The following ZDHHC11B variants were observed in gnomAD, a reference collection of about 807,000 sequenced individuals.
ZDHHC11B encodes the protein zDHHC palmitoyltransferase 11B (putative).
In ZDHHC11B, 17 loss-of-function variants were observed where a neutral mutation model predicts 42.3. The ratio of observed to expected loss-of-function variants is 0.40; its 90% CI spans 0.27 to 0.60. The LOEUF (loss-of-function observed/expected upper bound fraction) is 0.60. Among genes scored for constraint, ZDHHC11B ranks in the 20% least tolerant of loss-of-function variants. The pLI, the probability that ZDHHC11B is intolerant of heterozygous loss-of-function variation, is 0.41. For synonymous variants in ZDHHC11B, 123 were observed against 193.5 expected (o/e 0.64, Z 3.02); for missense variants, 262 against 463.2 (o/e 0.57, Z 3.99).
chr5:722,998 C>G (rs1260670317), intron 12 of ZDHHC11B, among the ~76,000 whole-genome samples: 1 of 151,492 alleles, frequency 6.6e-6, no homozygotes, highest in Non-Finnish European at 1.5e-5. Context: ...ACATCTATAT[C>G]TATATAGATA....
chr5:757,339 G>A (rs1244668287), intron 4 of ZDHHC11B, among the ~76,000 whole-genome samples: 1 of 151,954 alleles, frequency 6.6e-6, no homozygotes, highest in African/African-American at 2.4e-5. Context: ...CTGGCCATGT[G>A]CAAAAAGCCA....
At chr5:742,850 T>C (rs1244520064) in intron 9 of ZDHHC11B, among the ~76,000 whole-genome samples, 1 of 149,050 alleles carries the variant, frequency 6.7e-6, no homozygotes, top group Admixed American at 6.9e-5. Flanking sequence ...GTCCAAACTA[T>C]GATTTTTTTC....
chr5:784,159 C>G (rs1359761306), intron 1 of ZDHHC11B, among the ~76,000 whole-genome samples: 2 of 148,818 alleles, frequency 1.3e-5, no homozygotes, highest in Non-Finnish European at 3.0e-5. Context: ...ACCCCGAGAC[C>G]CGCTCATTCT....
Position 772,929 on chromosome 5 carries a change from T to A in ZDHHC11B, c.-229-3999A>T, listed in dbSNP as rs1561199886. On this transcript the variant is annotated intron_variant, in intron 1 of 13. Transcript: ENST00000508859. ...ATGTATTAGTTTAACAAAATATTTTTAAAAAAGTTTTTAAACTAAAAATGA... is the reference window on the plus strand; with the variant it reads ...ATGTATTAGTTTAACAAAATATTTTAAAAAAAGTTTTTAAACTAAAAATGA... Among the ~76,000 whole-genome samples, 5 of 152,006 alleles carry A rather than the reference T, an allele frequency of 3.3e-5. 1 individual carries two copies. In the South Asian group the frequency reaches 6.2e-4, roughly 19 times the overall value.
rs574168414 is a variant in ZDHHC11B, at chr5:744,176, T to C, written c.900+1007A>G. 7.3e-5 allele frequency among the ~76,000 whole-genome samples: 11 copies of C among 149,998 alleles called. 3 individuals are homozygous for C. The South Asian group carries it at 2.4e-3, about 33-fold the overall frequency. On this transcript the variant is annotated intron_variant, in intron 9 of 13. Transcript: ENST00000508859. ...GGCACTGCTCACCCCTGGAGTGATA[T>C]CACTTGGCCACAGTGCACAGTCCTG...
chr5:766,528 C>A (rs1187037184), intron 4 of ZDHHC11B, among the ~76,000 whole-genome samples, 170 bp downstream of exon 4: 1 of 151,852 alleles, frequency 6.6e-6, no homozygotes, highest in Non-Finnish European at 1.5e-5. Flanking sequence ...AGGGGCTGCA[C>A]AGAGCACGAA....
At chr5:732,749 G>A (rs1743117440) in intron 11 of ZDHHC11B, 6 of 387,654 alleles carry the variant, frequency 1.5e-5, no homozygotes, top group South Asian at 9.8e-5. Context: ...CCAGCCTGTG[G>A]CCTGGCATGG....
chr5:718,241 A>G (rs545115497), intron 12 of ZDHHC11B, among the ~76,000 whole-genome samples: 1 of 151,932 alleles, frequency 6.6e-6, no homozygotes, highest in East Asian at 1.9e-4. Flanking sequence ...AAGTTTACCT[A>G]AGGACAAAAT....
At chr5:722,412 A>C (rs563774903) in intron 12 of ZDHHC11B, among the ~76,000 whole-genome samples, 1 of 151,694 alleles carries the variant, frequency 6.6e-6, no homozygotes, top group South Asian at 2.1e-4. Context: ...CAAGTGCTTC[A>C]TGGAAGAGAA....
chr5:733,801 G>A lies in ZDHHC11B; in HGVS notation c.974C>T (p.Pro325Leu), dbSNP rs766924170. ...AKSSLLIYKC[P>L]CHFCTSVNQD... ...GTTTACTGAAGTGCAGAAGTGACAT[G>A]GGCATTTGTAAATCAGCAGGGAGCT... The change falls in exon 11 of 14, where the codon CCA (proline) becomes CTA (leucine). Residue 325 changes from proline to leucine, a missense_variant. Physicochemically the swap from Pro to Leu is moderately conservative, Grantham distance 98. Around this residue, in one of 5 missense-constraint regions of ZDHHC11B, gnomAD observed 75 missense variants for 70.1 expected, o/e 1.07. Transcript: ENST00000508859. 8 of 1,551,876 alleles carry A rather than the reference G, an allele frequency of 5.2e-6. No homozygotes were observed. In the Admixed American group the frequency reaches 5.3e-5, roughly 10 times the overall value.
chr5:724,864 C>T (rs1231532139), intron 12 of ZDHHC11B, among the ~76,000 whole-genome samples: 1 of 147,848 alleles, frequency 6.8e-6, no homozygotes, highest in Non-Finnish European at 1.5e-5. Flanking sequence ...TTGTCCTCCA[C>T]CCCATCACAT....
At chr5:770,845 C>T (rs1277238562) in intron 1 of ZDHHC11B, among the ~76,000 whole-genome samples, 4 of 152,020 alleles carry the variant, frequency 2.6e-5, no homozygotes, top group African/African-American at 9.6e-5. Flanking sequence ...AGGCGCCCGC[C>T]CCCAGAGCAG....
chr5:718,749 C>T (rs1299096105), intron 12 of ZDHHC11B, among the ~76,000 whole-genome samples: 6 of 151,174 alleles, frequency 4.0e-5, no homozygotes, highest in South Asian at 2.1e-4. Flanking sequence ...GCTGGTCTTT[C>T]GTGAATGGTG....
intron 4 of ZDHHC11B, among the ~76,000 whole-genome samples, chr5:758,469 C>G (rs1438101420): frequency 1.3e-5 from 2 of 151,884 alleles, no homozygotes; most frequent in African/African-American, 4.8e-5. Flanking sequence ...CACCAGGAGA[C>G]AGCCTGGGGA....
At position 777,857 on chromosome 5, in the gene ZDHHC11B, C is replaced by G. The variant is rs1374835249; in HGVS notation, c.-230+6811G>C. 3.3e-5 allele frequency among the ~76,000 whole-genome samples: 5 copies of G among 152,000 alleles called. 1 individual carries two copies. The highest frequency in any genetic ancestry group is 1.2e-4 in the African/African-American group (5 of 41,444). On this transcript the variant is annotated intron_variant, in intron 1 of 13. Coordinates refer to ENST00000508859, the MANE Select transcript of ZDHHC11B (RefSeq NM_001351303.2). ...CTCAGCCCTTGGGCGGTCCATGGGA[C>G]CCGGCGGGGGCGGCGCCCTTCCGGG...
At chr5:772,556 A>C (rs1243095474) in intron 1 of ZDHHC11B, among the ~76,000 whole-genome samples, 1 of 148,484 alleles carries the variant, frequency 6.7e-6, no homozygotes, top group South Asian at 2.1e-4. Flanking sequence ...GTGCTTGGTG[A>C]CTGGGCTTCC....
intron 12 of ZDHHC11B, among the ~76,000 whole-genome samples, chr5:724,662 T>TACACAC (rs58690111): frequency 0.035 from 4,982 of 143,918 alleles, 198 homozygotes; most frequent in African/African-American, 0.1. Flanking sequence ...GACCATCAGT[T>TACACAC]ACACACACAC....
intron 4 of ZDHHC11B, among the ~76,000 whole-genome samples, chr5:762,903 C>A (rs1398674501): frequency 5.9e-5 from 9 of 151,428 alleles, no homozygotes; most frequent in Admixed American, 5.3e-4. Context: ...AAGGGATAAG[C>A]CCCAGGAAGA....
In ZDHHC11B at chr5:730,454, G is replaced by A. The variant is rs778003418; in HGVS notation, c.1038C>T (p.Ala346=). The A allele has an allele frequency of 6.4e-7, 1 of 1,567,704 alleles. No individual in the cohort carries two copies. The highest frequency in any genetic ancestry group is 1.2e-5 in the South Asian group (1 of 81,562). The change falls in exon 12 of 14, where the codon GCC becomes GCT. Residue 346 remains alanine (A), a synonymous_variant. Transcript: ENST00000508859. ...GDSKAQEADD[A]PSTSTLGLQQ... is the part of the protein sequence containing the mutation. ...CTTACCCAAGTGTAGATGTACTCGG[G>A]GCATCATCTGCTTCCTGTGGGGGGA...
Sources: allele counts gnomAD v4.1 joint callset (sites outside exome capture counted in the v4.1 genomes callset), GRCh38; gene constraint gnomAD v4.1.1; regional missense constraint gnomAD v4.1.1; transcripts MANE v1.5; gene names NCBI Gene and HGNC (gene_info 2026-07-23, HGNC 2026-07-21).